The following CCDC154 variants were observed in gnomAD, a reference collection of about 807,000 sequenced individuals.
CCDC154 encodes the protein coiled-coil domain containing 154, also known as coiled-coil domain-containing protein 154.
In CCDC154, 91 loss-of-function variants were observed where a neutral mutation model predicts 87.5. The ratio of observed to expected loss-of-function variants is 1.04; its 90% CI spans 0.88 to 1.24. CCDC154 has a LOEUF of 1.24. Ranked by LOEUF, CCDC154 falls within the 50% of genes most tolerant of loss-of-function variation. CCDC154 has a pLI of 0.00. For missense variants in CCDC154, 903 were observed against 879.2 expected (o/e 1.03, Z -0.34); for synonymous variants, 418 against 400.4 (o/e 1.04, Z -0.52).
chr16:1,436,336 A>G (rs1402078134), intron 13 of CCDC154, 109 bp downstream of exon 13: 12 of 1,048,606 alleles, frequency 1.1e-5, no homozygotes, highest in Non-Finnish European at 1.5e-5. Flanking sequence ...CTCAGGGGGA[A>G]CAGGTCTGTC....
chr16:1,436,359 G>A lies in CCDC154; in HGVS notation c.1487+86C>T, dbSNP rs556673530. On this transcript the variant is annotated intron_variant, in intron 13 of 16. Transcript: ENST00000389176. ...GAACAGGTCTGTCACGATACCAGGGGATTGTGGAGAGTAGCGTGGGGACCG... is the reference window on the plus strand; with the variant it reads ...GAACAGGTCTGTCACGATACCAGGGAATTGTGGAGAGTAGCGTGGGGACCG... The A allele has an allele frequency of 1.7e-3, 2,022 of 1,174,338 alleles. 8 individuals carry two copies. Among genetic ancestry groups the A allele is most frequent in the Non-Finnish European group, 2.0e-3 (1,620 of 816,354 alleles). The allele number at this position is 1,174,338 out of a possible 1,614,324, so 72.7% of individuals were successfully genotyped here. A position where few individuals can be genotyped will look rare whatever the true frequency, so the allele number is the denominator to read the frequency against.
At chr16:1,439,808 C>G (rs1318098290) in intron 6 of CCDC154, among the ~76,000 whole-genome samples, 1 of 152,158 alleles carries the variant, frequency 6.6e-6, no homozygotes, top group East Asian at 1.9e-4. Flanking sequence ...ACAGCCCCCA[C>G]AGTAGACATT....
chr16:1,438,359 C>A (rs1036684114), intron 9 of CCDC154, 183 bp from the exon 10 acceptor site: 1 of 824,242 alleles, frequency 1.2e-6, no homozygotes. Context: ...GATGGGCGTT[C>A]ACTCCCCACG....
In CCDC154 at chr16:1,437,855, C is replaced by T. The variant is rs751415802; in HGVS notation, c.1252G>A (p.Asp418Asn). ...GHLPALSSRLDLQEQMLGLRL... is the reference protein window; with the variant it reads ...GHLPALSSRLNLQEQMLGLRL... ...AGGCCCAGCATCTGCTCCTGCAGATCGAGCCGGCTGCTCAGAGCCGGGAGA... is the reference window on the plus strand; with the variant it reads ...AGGCCCAGCATCTGCTCCTGCAGATTGAGCCGGCTGCTCAGAGCCGGGAGA... The change falls in exon 11 of 17, where the codon GAT becomes AAT. Residue 418 changes from aspartate to asparagine, a missense_variant. Coordinates refer to ENST00000389176, the MANE Select transcript of CCDC154 (RefSeq NM_001143980.3). 7.8e-5 allele frequency: 121 copies of T among 1,541,526 alleles called. No homozygotes were observed. In the African/African-American group the frequency reaches 1.3e-3, roughly 17 times the overall value.
intron 6 of CCDC154, among the ~76,000 whole-genome samples, chr16:1,440,145 G>GAAAAA (rs35755175): frequency 3.9e-5 from 4 of 102,326 alleles, no homozygotes; most frequent in Admixed American, 2.3e-4. Context: ...GAGACTGTCA[G>GAAAAA]AAAAAAAAAA....
chr16:1,441,529 G>A (rs2038551725), intron 6 of CCDC154, among the ~76,000 whole-genome samples: 2 of 152,184 alleles, frequency 1.3e-5, no homozygotes, highest in African/African-American at 4.8e-5. Flanking sequence ...AGCAGGAGGG[G>A]GAGCCACTCC....
At chr16:1,442,858 G>C in intron 5 of CCDC154, 22 bp downstream of exon 5, 1 of 1,543,848 alleles carries the variant, frequency 6.5e-7, no homozygotes, top group Non-Finnish European at 8.7e-7. Flanking sequence ...TCCGGAGCCA[G>C]CCACGGGCGG....
rs113607603 is a variant in CCDC154 at position 1,442,368 on chromosome 16, C to T, written c.675+38G>A. 4,403 of 1,522,288 alleles carry T rather than the reference C, an allele frequency of 2.9e-3. 14 individuals carry two copies. Among genetic ancestry groups the T allele is most frequent in the Non-Finnish European group, 3.5e-3 (3,999 of 1,133,978 alleles). The allele number at this position is 1,522,288 out of a possible 1,614,324, so 94.3% of individuals were successfully genotyped here. ...GAGGGTTAGGGTCTCCTCCTCGGCC[C>T]TCTGGGCGGCCCCCCTGAAGCCTGG... On this transcript the variant is annotated intron_variant, in intron 6 of 16. Coordinates refer to ENST00000389176, the MANE Select transcript of CCDC154 (RefSeq NM_001143980.3).
intron 6 of CCDC154, among the ~76,000 whole-genome samples, chr16:1,439,830 A>G (rs2038535410): frequency 6.6e-6 from 1 of 152,172 alleles, no homozygotes; most frequent in East Asian, 1.9e-4. Flanking sequence ...ACAACATGTA[A>G]AAAATGTTCC....
intron 6 of CCDC154, among the ~76,000 whole-genome samples, chr16:1,440,500 G>GAAGAGAAGAGAAGAGAAAAGAA (rs1567258639): frequency 1.4e-5 from 2 of 147,308 alleles, no homozygotes; most frequent in Admixed American, 6.8e-5. Flanking sequence ...ACAGAAAAGA[G>GAAGAGAAGAGAAGAGAAAAGAA]AAGAGAAGAG....
chr16:1,438,104 G>C lies in CCDC154; in HGVS notation c.1098C>G (p.Ala366=). ...LAAYVQENLE[A]AQLAGELARQ... Reference sequence around the variant, plus strand: ...GGGCCAGCTCGCCAGCCAGCTGTGCGGCCTCCAGGTTCTCCTGCACATAGG... The same window carrying C: ...GGGCCAGCTCGCCAGCCAGCTGTGCCGCCTCCAGGTTCTCCTGCACATAGG... Residue 366 remains alanine, a synonymous_variant, in exon 10 of 17, where the codon GCC becomes GCG. Transcript: ENST00000389176. 5 of 1,548,744 alleles carry C rather than the reference G, an allele frequency of 3.2e-6. No individual in the cohort carries two copies. The highest frequency in any genetic ancestry group is 4.4e-6 in the Non-Finnish European group (5 of 1,146,154).
chr16:1,437,452 G>C, intron 11 of CCDC154: 2 of 243,638 alleles, frequency 8.2e-6, no homozygotes, highest in Non-Finnish European at 1.6e-5. Context: ...CACGTTCACG[G>C]GTGAACCGTG....
rs748575112 is a variant in CCDC154, at chr16:1,443,489, G to A, written c.414+17C>T. On this transcript the variant is annotated intron_variant, in intron 3 of 16. Transcript: ENST00000389176. Reference sequence around the variant, plus strand: ...AGGAAAGGGGCAGCTCGACCTGTGGGTGGGGGAGCCGCTCACCTCCGGCGC... The same window carrying A: ...AGGAAAGGGGCAGCTCGACCTGTGGATGGGGGAGCCGCTCACCTCCGGCGC... 6.5e-5 allele frequency: 93 copies of A among 1,432,910 alleles called. 1 individual carries two copies. The highest frequency in any genetic ancestry group is 1.3e-4 in the South Asian group (9 of 68,946). The allele number at this position is 1,432,910 out of a possible 1,614,324, so 88.8% of individuals were successfully genotyped here. A position where few individuals can be genotyped will look rare whatever the true frequency, so the allele number is the denominator to read the frequency against.
Position 1,444,319 on chromosome 16 carries a change from A to C in CCDC154, c.4T>G (p.Ser2Ala), listed in dbSNP as rs779080877. MSELADSGPSGA... is the reference protein window; with the variant it reads MAELADSGPSGA... The stretch of plus-strand genomic sequence containing the variant: ...CCCGCTCCTCCGCTCTGGTCACCTG[A>C]CATGGCTGCTGGGCTGCACCGGCCA... The change falls in exon 1 of 17, where the codon TCA becomes GCA. Residue 2 changes from serine (S) to alanine (A), a missense_variant. Physicochemically the swap from Ser to Ala is moderately conservative, Grantham distance 99 (BLOSUM62 1). Transcript: ENST00000389176. The C allele has an allele frequency of 2.3e-5, 30 of 1,302,230 alleles. No homozygotes were observed. Among genetic ancestry groups the C allele is most frequent in the Non-Finnish European group, 2.8e-5 (28 of 988,868 alleles). The allele number at this position is 1,302,230 out of a possible 1,614,324, so 80.7% of individuals were successfully genotyped here.
chr16:1,440,996 G>A (rs571082581), intron 6 of CCDC154, among the ~76,000 whole-genome samples: 13 of 151,198 alleles, frequency 8.6e-5, no homozygotes, highest in African/African-American at 1.9e-4. Flanking sequence ...GCATGCGCCC[G>A]CAGTCACAGC....
Position 1,439,090 on chromosome 16 carries a change from G to C in CCDC154, c.712C>G (p.Arg238Gly). Residue 238 changes from arginine (R) to glycine (G), a missense_variant, in exon 7 of 17, where the codon CGC (arginine) becomes GGC (glycine). Physicochemically the swap from Arg to Gly is moderately radical, Grantham distance 125. Coordinates refer to ENST00000389176, the MANE Select transcript of CCDC154 (RefSeq NM_001143980.3). ...AGCTTGGCCTCCCTCTTCAGGAAGC[G>C]CAGGCTCACCTCTTCGCCGAGCTTG... is the stretch of plus-strand genomic sequence containing the variant. ...VTKLGEEVSLRFLKREAKLCG... is the reference protein window; with the variant it reads ...VTKLGEEVSLGFLKREAKLCG... The C allele has an allele frequency of 6.5e-7, 1 of 1,550,212 alleles. No individual in the cohort carries two copies. Among genetic ancestry groups the C allele is most frequent in the South Asian group, 1.2e-5 (1 of 84,054 alleles).
rs756336401 is a variant in CCDC154, at chr16:1,444,457, G to A, written c.-135C>T. On this transcript the variant is annotated 5_prime_UTR_variant, in exon 1 of 17. Transcript: ENST00000389176. ...GTCCCGTGAGAGCTCTGGGCCTTGA[G>A]GGACGAGCTGCTGCCCTCGTCTGGC... The A allele has an allele frequency of 8.0e-5, 73 of 914,760 alleles. No individual in the cohort carries two copies. Among genetic ancestry groups the A allele is most frequent in the South Asian group, 5.7e-4 (35 of 61,332 alleles). 56.7% of individuals were successfully genotyped at this position (914,760 alleles called of 1,614,324 possible). A position where few individuals can be genotyped will look rare whatever the true frequency, so the allele number is the denominator to read the frequency against.
rs2038479692 is a variant in CCDC154, at chr16:1,434,464, G to A, written c.1948C>T (p.Pro650Ser). The A allele has an allele frequency of 1.9e-6, 3 of 1,550,202 alleles. No individual in the cohort carries two copies. The African/African-American group carries it at 4.1e-5, about 21-fold the overall frequency. ...LRRPGGVLEK[P>S]HSQEQVQQLT... ...TGCTGCACCTGCTCCTGGCTGTGGGGCTTCTCCAGGACCCCTCCTGGCCTC... is the reference window on the plus strand; with the variant it reads ...TGCTGCACCTGCTCCTGGCTGTGGGACTTCTCCAGGACCCCTCCTGGCCTC... The change falls in exon 17 of 17, where the codon CCC (proline) becomes TCC (serine). Residue 650 changes from proline (P) to serine (S), a missense_variant. Coordinates refer to ENST00000389176, the MANE Select transcript of CCDC154 (RefSeq NM_001143980.3).
chr16:1,434,889 G>A, intron 15 of CCDC154, 37 bp from the exon 16 acceptor site: 4 of 1,472,268 alleles, frequency 2.7e-6, no homozygotes, highest in Non-Finnish European at 3.6e-6. Context: ...CCAGGAGCCA[G>A]ACCTCCGGGC....
Sources: allele counts gnomAD v4.1 joint callset (sites outside exome capture counted in the v4.1 genomes callset), GRCh38; gene constraint gnomAD v4.1.1; transcripts MANE v1.5; gene names NCBI Gene and HGNC (gene_info 2026-07-23, HGNC 2026-07-21).